DMD: variants seen among roughly 807,000 people sequenced by gnomAD.
DMD encodes the protein mutant dystrophin.
In DMD, 63 loss-of-function variants were observed where a neutral mutation model predicts 330.1. The observed-to-expected ratio is 0.19, with a 90% confidence interval of 0.16 to 0.24. DMD has a LOEUF of 0.24. Among genes scored for constraint, DMD ranks in the 10% least tolerant of loss-of-function variants. DMD has a pLI of 1.00. For synonymous variants in DMD, 1,223 were observed against 959.8 expected (o/e 1.27, Z -5.07); for missense variants, 3,344 against 2,684.1 (o/e 1.25, Z -5.43).
rs1264347421 is a variant in DMD at position 31,586,192 on chromosome X, A to G, written c.8217+41481T>C. On this transcript the variant is annotated intron_variant, in intron 55 of 78. Coordinates refer to ENST00000357033, the MANE Select transcript of DMD (RefSeq NM_004006.3). ...TTCTAGAAAACAACTATGTCGGGGG[A>G]AAAATAAAAAGAAAGTTTTCTATTA... Among the ~76,000 whole-genome samples, 8 of 112,305 alleles carry G rather than the reference A, an allele frequency of 7.1e-5. No individual in the cohort carries two copies. In the East Asian group the frequency reaches 2.0e-3, roughly 27 times the overall value.
intron 45 of DMD, among the ~76,000 whole-genome samples, chrX:31,935,558 G>A (rs1329671769): frequency 9.0e-6 from 1 of 111,221 alleles, no homozygotes; most frequent in African/African-American, 3.3e-5. Context: ...GATTTTGAGG[G>A]TCTATCTCAT....
chrX:32,983,764 A>AT (rs1165005883), intron 2 of DMD, among the ~76,000 whole-genome samples: 1 of 111,361 alleles, frequency 9.0e-6, no homozygotes, highest in Non-Finnish European at 1.9e-5. Flanking sequence ...TAAAATGTCA[A>AT]TTTTTTTAAA....
intron 13 of DMD, among the ~76,000 whole-genome samples, chrX:32,585,879 G>C (rs1217489055): frequency 9.1e-6 from 1 of 109,479 alleles, no homozygotes; most frequent in Non-Finnish European, 1.9e-5. Flanking sequence ...AGTCAGAATA[G>C]AAAACAGATT....
chrX:31,627,559 G>T, intron 55 of DMD, 114 bp downstream of exon 55: 1 of 756,616 alleles, frequency 1.3e-6, no homozygotes, highest in Non-Finnish European at 2.0e-6. Context: ...AATACATCAG[G>T]CTGTATAAAA....
chrX:31,842,483 C>T (rs1210861365), intron 48 of DMD, among the ~76,000 whole-genome samples: 1 of 111,844 alleles, frequency 8.9e-6, no homozygotes, highest in Non-Finnish European at 1.9e-5. Flanking sequence ...TATCAAATAA[C>T]ATCACACACT....
intron 7 of DMD, among the ~76,000 whole-genome samples, chrX:32,783,422 A>C (rs748093756): frequency 2.1e-4 from 22 of 106,381 alleles, no homozygotes; most frequent in Non-Finnish European, 3.9e-4. Flanking sequence ...ATGTACCCAC[A>C]AAAATTTCCA....
chrX:32,358,618 G>A (rs1366565447), intron 37 of DMD, among the ~76,000 whole-genome samples: 1 of 111,684 alleles, frequency 9.0e-6, no homozygotes, highest in African/African-American at 3.3e-5. Flanking sequence ...TTTAAGGGGC[G>A]TATGTGGGAC....
At chrX:33,113,610 C>T (rs182620051) in intron 1 of DMD, among the ~76,000 whole-genome samples, 2 of 103,895 alleles carry the variant, frequency 1.9e-5, no homozygotes, top group East Asian at 7.4e-4. Flanking sequence ...CCAAAAAAAT[C>T]TTCTAGCAAC....
intron 56 of DMD, among the ~76,000 whole-genome samples, chrX:31,498,710 T>C (rs762227494): frequency 5.4e-5 from 6 of 112,047 alleles, no homozygotes; most frequent in Non-Finnish European, 7.5e-5. Context: ...TTGTCAAGAT[T>C]TTCTTTCTAT....
chrX:32,667,569 A>G (rs1158899115), intron 9 of DMD, among the ~76,000 whole-genome samples: 1 of 111,541 alleles, frequency 9.0e-6, no homozygotes, highest in Non-Finnish European at 1.9e-5. Context: ...GAAATGTATT[A>G]GGACATGATA....
intron 60 of DMD, among the ~76,000 whole-genome samples, chrX:31,437,124 T>C (rs1238101837): frequency 8.9e-6 from 1 of 111,752 alleles, no homozygotes; most frequent in East Asian, 2.8e-4. Flanking sequence ...CTCAATAACA[T>C]TCCAAAAACT....
At chrX:32,890,539 G>A (rs1397982139) in intron 2 of DMD, among the ~76,000 whole-genome samples, 1 of 110,811 alleles carries the variant, frequency 9.0e-6, no homozygotes, top group African/African-American at 3.3e-5. Context: ...CTTGGAGGAA[G>A]AATCTAGGTT....
intron 9 of DMD, among the ~76,000 whole-genome samples, chrX:32,684,531 T>G (rs916609428): frequency 2.7e-5 from 3 of 111,570 alleles, no homozygotes; most frequent in Admixed American, 1.9e-4. Flanking sequence ...ATTTTGTGAT[T>G]AAAAAATTAT....
chrX:31,169,094 T>TA (rs909183901), intron 74 of DMD, among the ~76,000 whole-genome samples: 6 of 111,475 alleles, frequency 5.4e-5, no homozygotes, highest in East Asian at 2.8e-4. Flanking sequence ...CAAACACATG[T>TA]AAAAAAAATC....
At chrX:33,207,165 G>A (rs1054206593) in intron 1 of DMD, among the ~76,000 whole-genome samples, 8 of 111,314 alleles carry the variant, frequency 7.2e-5, no homozygotes, top group Non-Finnish European at 1.1e-4. Context: ...AAATTTATAT[G>A]CCCTTAAAAC....
chrX:31,138,142 G>A (rs374447057), intron 76 of DMD, among the ~76,000 whole-genome samples: 16 of 111,500 alleles, frequency 1.4e-4, no homozygotes, highest in African/African-American at 4.3e-4. Flanking sequence ...GGGGTTGCCC[G>A]CTTGTGTTTA....
intron 1 of DMD, among the ~76,000 whole-genome samples, chrX:33,246,779 G>A (rs1309119815): frequency 8.1e-5 from 9 of 110,445 alleles, no homozygotes; most frequent in Non-Finnish European, 1.3e-4. Context: ...TCCACCTTCC[G>A]GGTTCAAGAG....
intron 45 of DMD, among the ~76,000 whole-genome samples, chrX:31,941,263 C>A (rs936039330): frequency 9.0e-6 from 1 of 111,726 alleles, no homozygotes; most frequent in African/African-American, 3.3e-5. Context: ...GACTTCAAAC[C>A]GTTTTTTCTG....
chrX:33,097,740 C>T (rs1184420330), intron 1 of DMD, among the ~76,000 whole-genome samples: 1 of 108,129 alleles, frequency 9.2e-6, no homozygotes, highest in African/African-American at 3.4e-5. Context: ...CTCAGCCTCC[C>T]AAGCAGCTGA....
Sources: allele counts gnomAD v4.1 joint callset (sites outside exome capture counted in the v4.1 genomes callset), GRCh38; gene constraint gnomAD v4.1.1; transcripts MANE v1.5; gene names NCBI Gene and HGNC (gene_info 2026-07-23, HGNC 2026-07-21).